SCYL1: variants seen among roughly 807,000 people sequenced by gnomAD.
SCYL1 encodes the protein N-terminal kinase-like protein.
SCYL1 carries 85 observed loss-of-function variants against 94.8 expected under a neutral mutation model. That is an observed-to-expected ratio of 0.90 (90% confidence interval 0.75 to 1.07). The LOEUF (loss-of-function observed/expected upper bound fraction) is 1.07, where lower values mean the gene tolerates loss of function less well. Among genes scored for constraint, SCYL1 ranks in the 50% least tolerant of loss-of-function variants. The pLI is 0.00. For synonymous variants in SCYL1, 459 were observed against 435.5 expected (o/e 1.05, Z -0.67); for missense variants, 968 against 1,083.3 (o/e 0.89, Z 1.49).
Position 65,530,802 on chromosome 11 carries a change from G to C in SCYL1, c.1008+15G>C. ...CCCTCTTCAAGGTGAGTGGAACTGT[G>C]GGGTCCAGAAGGCTGGCTGGGTGCA... On this transcript the variant is annotated intron_variant, in intron 7 of 17. Coordinates refer to ENST00000270176, the MANE Select transcript of SCYL1 (RefSeq NM_020680.4). 6.2e-7 allele frequency: 1 copy of C among 1,603,784 alleles called. No homozygotes were observed. Among genetic ancestry groups the C allele is most frequent in the Non-Finnish European group, 8.5e-7 (1 of 1,175,240 alleles).
Position 65,526,632 on chromosome 11 carries a change from G to A in SCYL1, c.603-151G>A. ...GCTTGGTTTTTTTAATCTGTTAAGT[G>A]AGGCTAATGAAACCTGCCTCTTGGG... On this transcript the variant is annotated intron_variant, in intron 4 of 17. Coordinates refer to ENST00000270176, the MANE Select transcript of SCYL1 (RefSeq NM_020680.4). This position sits in a 1 kb window ranked among gnomAD's most constrained non-coding sequence, Gnocchi z 4.1. 1 of 719,212 alleles carries A rather than the reference G, an allele frequency of 1.4e-6. No individual in the cohort carries two copies. Among genetic ancestry groups the A allele is most frequent in the East Asian group, 2.6e-5 (1 of 37,784 alleles). The allele number at this position is 719,212 out of a possible 1,614,324, so 44.6% of individuals were successfully genotyped here.
At chr11:65,535,655 CCAGA>C (rs1855598383) in intron 10 of SCYL1, 2 of 589,680 alleles carry the variant, frequency 3.4e-6, no homozygotes, top group African/African-American at 1.9e-5. Flanking sequence ...CTTGCCGTGC[CCAGA>C]CAGTTAACAG....
intron 9 of SCYL1, among the ~76,000 whole-genome samples, chr11:65,533,872 G>A (rs372493507): frequency 1.3e-5 from 2 of 151,984 alleles, no homozygotes; most frequent in African/African-American, 2.4e-5. Flanking sequence ...CACCTGAGGC[G>A]ATGGGAGTTT....
intron 6 of SCYL1, among the ~76,000 whole-genome samples, chr11:65,528,142 CAT>C (rs1411588757): frequency 2.0e-5 from 3 of 152,162 alleles, no homozygotes; most frequent in East Asian, 1.9e-4. Context: ...AGACAGAAAA[CAT>C]AAAAACCATA....
Position 65,532,783 on chromosome 11 carries a change from C to A in SCYL1, c.1208C>A (p.Ala403Asp). Residue 403 changes from alanine to aspartate, a missense_variant, in exon 9 of 18, where the codon GCC becomes GAC. By Grantham distance (126) the Ala-to-Asp change is moderately radical (BLOSUM62 -2). Around this residue, in one of 2 missense-constraint regions of SCYL1, gnomAD observed 494 missense variants for 619.7 expected, o/e 0.80. Transcript: ENST00000270176. ...VVHGFLDTNP[A>D]IREQTVKSML... ...CATGGCTTCCTGGACACCAACCCTG[C>A]CATCCGGGAGCAGACGGTCAAGGTG... 1 of 1,613,904 alleles carries A rather than the reference C, an allele frequency of 6.2e-7. No homozygotes were observed. Among genetic ancestry groups the A allele is most frequent in the Non-Finnish European group, 8.5e-7 (1 of 1,179,796 alleles).
At chr11:65,525,829 T>G (rs1469154866) in intron 2 of SCYL1, 92 bp from the exon 3 acceptor site, 3 of 1,579,672 alleles carry the variant, frequency 1.9e-6, no homozygotes, top group Non-Finnish European at 2.6e-6. Context: ...CAGATTTGGT[T>G]TCCTCTTCCC....
chr11:65,538,010 A>G lies in SCYL1; in HGVS notation c.2075A>G (p.Asp692Gly), dbSNP rs1855786918. The change falls in exon 16 of 18, where the codon GAC (aspartate) becomes GGC (glycine). Residue 692 changes from aspartate (D) to glycine (G), a missense_variant. Around this residue, in one of 2 missense-constraint regions of SCYL1, gnomAD observed 474 missense variants for 463.6 expected, o/e 1.02. Transcript: ENST00000270176. ...DHKSSKSPES[D>G]WSSWEAEGSW... ...AAATCCTCCAAATCCCCAGAGTCCGACTGGAGCAGCTGGGAAGCTGAGGGC... is the reference window on the plus strand; with the variant it reads ...AAATCCTCCAAATCCCCAGAGTCCGGCTGGAGCAGCTGGGAAGCTGAGGGC... The G allele has an allele frequency of 3.1e-6, 5 of 1,612,928 alleles. No individual in the cohort carries two copies. Among genetic ancestry groups the G allele is most frequent in the Non-Finnish European group, 4.2e-6 (5 of 1,179,492 alleles).
chr11:65,527,200 A>T (rs1043524897), intron 6 of SCYL1, 83 bp downstream of exon 6: 6 of 1,487,658 alleles, frequency 4.0e-6, no homozygotes, highest in Non-Finnish European at 5.6e-6. Flanking sequence ...CTCACAATTG[A>T]CCCTCAGGAG....
chr11:65,536,226 C>T (rs763909986), intron 11 of SCYL1, 33 bp from the exon 12 acceptor site: 16 of 1,609,464 alleles, frequency 9.9e-6, no homozygotes, highest in East Asian at 2.2e-5. Context: ...TTGGGAACCC[C>T]AGAGACCCCA....
At chr11:65,532,117 T>G (rs1390243622) in intron 8 of SCYL1, among the ~76,000 whole-genome samples, 1 of 152,122 alleles carries the variant, frequency 6.6e-6, no homozygotes, top group East Asian at 1.9e-4. Flanking sequence ...GAAGGGGTGA[T>G]ACCCTCATTT....
rs1470552761 is a variant in SCYL1 at position 65,538,475 on chromosome 11, G to A, written c.2336G>A (p.Arg779His). ...QVKAELARKK[R>H]EERRREMEAK... ...AAGGCTGAGCTGGCCCGGAAGAAGC[G>A]CGAGGAGCGGCGGCGGGAGATGGAG... The change falls in exon 18 of 18, where the codon CGC becomes CAC. Residue 779 changes from arginine (R) to histidine (H), a missense_variant. Coordinates refer to ENST00000270176, the MANE Select transcript of SCYL1 (RefSeq NM_020680.4). 3 of 1,584,518 alleles carry A rather than the reference G, an allele frequency of 1.9e-6. No individual in the cohort carries two copies. Among genetic ancestry groups the A allele is most frequent in the Non-Finnish European group, 1.7e-6 (2 of 1,167,402 alleles).
At chr11:65,528,108 C>T (rs1181048829) in intron 6 of SCYL1, among the ~76,000 whole-genome samples, 1 of 152,232 alleles carries the variant, frequency 6.6e-6, no homozygotes, top group East Asian at 1.9e-4. Flanking sequence ...AGATCCCCAA[C>T]CTTGGGAACT....
In SCYL1 at chr11:65,536,269, C is replaced by A. The variant is rs1855637677; in HGVS notation, c.1586C>A (p.Ala529Asp). 1 of 1,613,962 alleles carries A rather than the reference C, an allele frequency of 6.2e-7. No individual in the cohort carries two copies. The highest frequency in any genetic ancestry group is 1.3e-5 in the African/African-American group (1 of 74,930). Residue 529 changes from alanine to aspartate, a missense_variant, in exon 12 of 18, where the codon GCC (alanine) becomes GAC (aspartate). Ala to Asp is a moderately radical substitution (Grantham distance 126). This residue lies in a region of SCYL1 where 474 missense variants were observed against 463.6 expected (regional missense o/e 1.02). Transcript: ENST00000270176. ...CTCGTTACCCCACAGGCCTTCAAGG[C>A]CATTCGGAGCTTCCTGTCCAAATTG... ...EKSVRDQAFK[A>D]IRSFLSKLES...
chr11:65,537,488 C>T (rs1855735021), intron 14 of SCYL1, among the ~76,000 whole-genome samples: 2 of 151,464 alleles, frequency 1.3e-5, no homozygotes, highest in African/African-American at 2.4e-5. Flanking sequence ...GGGATGGGCT[C>T]AGGTTGGGCT....
rs1035355685 is a variant in SCYL1 at position 65,535,677 on chromosome 11, C to T, written c.1387-276C>T. ...TGCCCAGACAGTTAACAGGAATGAACGGTCAGCTGGGCAGGGAGGAAGGGA... is the reference window on the plus strand; with the variant it reads ...TGCCCAGACAGTTAACAGGAATGAATGGTCAGCTGGGCAGGGAGGAAGGGA... On this transcript the variant is annotated intron_variant, in intron 10 of 17. Transcript: ENST00000270176. The T allele has an allele frequency of 8.6e-6, 5 of 580,336 alleles. No homozygotes were observed. The Admixed American group carries it at 9.5e-5, about 11-fold the overall frequency. The allele number at this position is 580,336 out of a possible 1,614,324, so 35.9% of individuals were successfully genotyped here.
At chr11:65,533,434 G>T (rs1855486556) in intron 9 of SCYL1, among the ~76,000 whole-genome samples, 1 of 152,174 alleles carries the variant, frequency 6.6e-6, no homozygotes, top group Admixed American at 6.5e-5. Flanking sequence ...AAAAAAGAAA[G>T]AAAATATGCA....
At chr11:65,528,230 G>T (rs891636474) in intron 6 of SCYL1, among the ~76,000 whole-genome samples, 1 of 151,942 alleles carries the variant, frequency 6.6e-6, no homozygotes, top group African/African-American at 2.4e-5. Context: ...ATCACCTGAG[G>T]TCGGGAGTTC....
In SCYL1 at chr11:65,537,136, G is replaced by C; in HGVS notation, c.1959+8G>C. On this transcript the variant is annotated splice_region_variant and intron_variant, in intron 14 of 17. Coordinates refer to ENST00000270176, the MANE Select transcript of SCYL1 (RefSeq NM_020680.4). The stretch of plus-strand genomic sequence containing the variant: ...GACTGGGGCAGCCTGGAGGTGTGTG[G>C]GGCTGAGGGAGCCTCCCCAGGGGAC... The C allele has an allele frequency of 6.2e-7, 1 of 1,614,060 alleles. No individual in the cohort carries two copies.
At position 65,538,169 on chromosome 11, in the gene SCYL1, G is replaced by T; in HGVS notation, c.2234G>T (p.Arg745Leu). ...GACCCCTTCGCTACCCTGTCTGCAC[G>T]TCCCAGCACCCAGGTACCCAGCACA... is the stretch of plus-strand genomic sequence containing the variant. ...KGDPFATLSA[R>L]PSTQPRPDSW... Residue 745 changes from arginine to leucine, a missense_variant, in exon 16 of 18, where the codon CGT becomes CTT. Arg to Leu is a moderately radical substitution (Grantham distance 102). Transcript: ENST00000270176. 1 of 1,588,324 alleles carries T rather than the reference G, an allele frequency of 6.3e-7. No individual in the cohort carries two copies. The highest frequency in any genetic ancestry group is 8.6e-7 in the Non-Finnish European group (1 of 1,167,302).
Sources: gnomAD v4.1 joint callset for allele counts (sites outside exome capture counted in the v4.1 genomes callset) on GRCh38, gnomAD v4.1.1 for gene constraint, gnomAD v4.1.1 regional missense constraint, Gnocchi (gnomAD v3.1) non-coding constraint, MANE v1.5 for transcripts, NCBI Gene and HGNC (gene_info 2026-07-23, HGNC 2026-07-21) for gene names.